The following CCDC141 variants were observed in gnomAD, a reference collection of about 807,000 sequenced individuals.
CCDC141 encodes the protein coiled-coil domain-containing protein 141.
In CCDC141, 168 loss-of-function variants were observed where a neutral mutation model predicts 181.0. That is an observed-to-expected ratio of 0.93 (90% CI 0.82 to 1.05). The LOEUF is 1.05. CCDC141 is among the 50% of genes least tolerant of loss of function. The probability of loss-of-function intolerance (pLI) is 0.00; values close to 1 mark genes in which losing one functional copy is unlikely to be tolerated. For synonymous variants in CCDC141, 666 were observed against 642.3 expected, an observed-to-expected ratio of 1.04 and a Z score of -0.56; for missense variants, 1,902 against 1,788.5, an observed-to-expected ratio of 1.06 and a Z score of -1.14.
chr2:178,877,803 T>C (rs757003412), intron 12 of CCDC141, 161 bp downstream of exon 12: 10 of 699,482 alleles, frequency 1.4e-5, no homozygotes, highest in Admixed American at 8.3e-5. Flanking sequence ...CAAGCAAGCA[T>C]TTAAATGTTG....
At chr2:178,843,889 C>T (rs1361681209) in intron 22 of CCDC141, among the ~76,000 whole-genome samples, 1 of 152,096 alleles carries the variant, frequency 6.6e-6, no homozygotes, top group African/African-American at 2.4e-5. Context: ...CTGTCTACAC[C>T]AATTGCACCA....
In CCDC141 at chr2:179,049,969, T is replaced by C; in HGVS notation, c.-28A>G. 2 of 1,550,274 alleles carry C rather than the reference T, an allele frequency of 1.3e-6. No homozygotes were observed. Among genetic ancestry groups the C allele is most frequent in the Non-Finnish European group, 1.7e-6 (2 of 1,146,764 alleles). ...TACTTTAGAACCAGAGTTTATACTT[T>C]GGGCAGCCTCTGGACAGTTGTGTGT... On this transcript the variant is annotated 5_prime_UTR_variant, in exon 1 of 24. Transcript: ENST00000443758.
intron 6 of CCDC141, among the ~76,000 whole-genome samples, chr2:178,924,472 G>A (rs1688836301): frequency 6.6e-6 from 1 of 151,948 alleles, no homozygotes; most frequent in Non-Finnish European, 1.5e-5. Flanking sequence ...TAGAATATTT[G>A]AAAGTCTGCT....
At chr2:178,947,725 C>T (rs1305616606) in intron 5 of CCDC141, among the ~76,000 whole-genome samples, 3 of 152,142 alleles carry the variant, frequency 2.0e-5, no homozygotes, top group East Asian at 1.9e-4. Context: ...CAAAGAGCTG[C>T]CTTGAAAGTT....
In CCDC141 at chr2:179,047,319, G is replaced by T. The variant is rs1169072586; in HGVS notation, c.190C>A (p.Leu64Ile). ...GCCAAAAGAAGTTCATGATCATGAA[G>T]AAGTTTTTTGGTTTCATCTTGACTG... ...GSSQDETKKLLHDHELLLAKL... is the reference protein window; with the variant it reads ...GSSQDETKKLIHDHELLLAKL... Residue 64 changes from leucine to isoleucine, a missense_variant, in exon 2 of 24, where the codon CTT becomes ATT. Physicochemically the swap from Leu to Ile is conservative, Grantham distance 5 (BLOSUM62 2). Transcript: ENST00000443758. 2 of 1,543,152 alleles carry T rather than the reference G, an allele frequency of 1.3e-6. No homozygotes were observed. The highest frequency in any genetic ancestry group is 1.7e-6 in the Non-Finnish European group (2 of 1,145,104).
chr2:178,856,722 C>T (rs1373748637), intron 17 of CCDC141, among the ~76,000 whole-genome samples: 1 of 152,052 alleles, frequency 6.6e-6, no homozygotes, highest in East Asian at 1.9e-4. Flanking sequence ...GTAGCTAGGA[C>T]TGCAGATGTG....
At chr2:178,868,267 C>A in intron 15 of CCDC141, 62 bp from the exon 16 acceptor site, 1 of 1,460,790 alleles carries the variant, frequency 6.8e-7, no homozygotes, top group Non-Finnish European at 9.5e-7. Flanking sequence ...TTTTTTTAAG[C>A]CTAATTTCTA....
rs1559004786 is a variant in CCDC141, at chr2:178,954,824, C to CAAAA, written c.780+6402_780+6405dup. The stretch of plus-strand genomic sequence containing the variant: ...AAGACAGAACTGACAAAAAAAAAAC[C>CAAAA]AAAAAACTTTGCCCTTCAATGAAAT... On this transcript the variant is annotated intron_variant, in intron 5 of 23. Coordinates refer to ENST00000443758, the MANE Select transcript of CCDC141 (RefSeq NM_173648.4). Among the ~76,000 whole-genome samples the CAAAA allele has an allele frequency of 7.3e-5, 11 of 150,662 alleles. 1 individual carries two copies. The highest frequency in any genetic ancestry group is 1.2e-4 in the Non-Finnish European group (8 of 67,614).
At chr2:179,021,151 C>G (rs1391434504) in intron 2 of CCDC141, among the ~76,000 whole-genome samples, 2 of 152,128 alleles carry the variant, frequency 1.3e-5, no homozygotes, top group Non-Finnish European at 2.9e-5. Context: ...GCATTTTATG[C>G]CTTTATTTCA....
intron 5 of CCDC141, among the ~76,000 whole-genome samples, chr2:178,951,316 A>G (rs1397542082): frequency 1.3e-5 from 2 of 152,204 alleles, no homozygotes; most frequent in Non-Finnish European, 2.9e-5. Context: ...ACCGACAGGC[A>G]GTACAGAACT....
chr2:179,015,105 A>ATATATACATATATATAT (rs2042417179), intron 2 of CCDC141, among the ~76,000 whole-genome samples: 1 of 21,350 alleles, frequency 4.7e-5, no homozygotes, highest in East Asian at 1.1e-3. Context: ...TATATATATA[A>ATATATACATATATATAT]TATATATATA....
chr2:178,901,190 G>A (rs1003854685), intron 8 of CCDC141, among the ~76,000 whole-genome samples: 2 of 152,056 alleles, frequency 1.3e-5, no homozygotes, highest in Non-Finnish European at 2.9e-5. Flanking sequence ...AGGAGGAGCT[G>A]GTACAATTCC....
chr2:178,872,869 C>T (rs1015677463), intron 12 of CCDC141, among the ~76,000 whole-genome samples: 5 of 152,084 alleles, frequency 3.3e-5, no homozygotes, highest in South Asian at 2.1e-4. Flanking sequence ...GTATTCAGAA[C>T]TACATCATAC....
At chr2:178,989,292 T>C (rs759692771) in intron 2 of CCDC141, among the ~76,000 whole-genome samples, 9 of 152,002 alleles carry the variant, frequency 5.9e-5, no homozygotes, top group Non-Finnish European at 1.3e-4. Flanking sequence ...AAGAGCTCTT[T>C]CAACTTAACA....
intron 7 of CCDC141, among the ~76,000 whole-genome samples, chr2:178,907,695 T>C (rs2154373240): frequency 6.6e-6 from 1 of 152,266 alleles, no homozygotes; most frequent in South Asian, 2.1e-4. Context: ...AAAATGTTGA[T>C]GTTAGAAAAG....
At chr2:178,954,811 A>AC (rs1690090812) in intron 5 of CCDC141, among the ~76,000 whole-genome samples, 1 of 151,616 alleles carries the variant, frequency 6.6e-6, no homozygotes, top group African/African-American at 2.4e-5. Flanking sequence ...GACAGAACTG[A>AC]CAAAAAAAAA....
chr2:178,953,436 C>CA (rs34278844), intron 5 of CCDC141, among the ~76,000 whole-genome samples: 31,484 of 129,874 alleles, frequency 0.24, 3,604 homozygotes, highest in Middle Eastern at 0.3. Context: ...GACTCCCTCT[C>CA]AAAAAAAAAA....
intron 6 of CCDC141, among the ~76,000 whole-genome samples, chr2:178,940,383 A>C (rs1433712014): frequency 1.3e-5 from 2 of 152,240 alleles, no homozygotes; most frequent in East Asian, 3.8e-4. Flanking sequence ...GGCAAAAAAC[A>C]ATATGAGATC....
At chr2:178,929,927 T>C (rs1312251630) in intron 6 of CCDC141, among the ~76,000 whole-genome samples, 1 of 152,114 alleles carries the variant, frequency 6.6e-6, no homozygotes. Context: ...GAGTACACTG[T>C]AGTTTGAGAA....
Sources: allele counts gnomAD v4.1 joint callset (sites outside exome capture counted in the v4.1 genomes callset), GRCh38; gene constraint gnomAD v4.1.1; transcripts MANE v1.5; gene names NCBI Gene and HGNC (gene_info 2026-07-23, HGNC 2026-07-21).